The following IL1RAPL2 variants were observed in gnomAD, a reference collection of about 807,000 sequenced individuals.
IL1RAPL2 encodes the protein interleukin 1 receptor accessory protein like 2, also known as X-linked interleukin-1 receptor accessory protein-like 2.
A neutral mutation model predicts 44.1 loss-of-function variants in IL1RAPL2; 3 were observed. The observed-to-expected ratio is 0.07, with a 90% confidence interval of 0.03 to 0.18. The LOEUF (loss-of-function observed/expected upper bound fraction) is 0.18, where lower values mean the gene tolerates loss of function less well. Ranked by LOEUF, IL1RAPL2 falls within the 10% of genes least tolerant of loss-of-function variation. The probability of loss-of-function intolerance (pLI) is 1.00; values close to 1 mark genes in which losing one functional copy is unlikely to be tolerated. For synonymous variants in IL1RAPL2, 181 were observed against 178.8 expected (o/e 1.01, Z -0.10); for missense variants, 391 against 496.4 (o/e 0.79, Z 2.02).
chrX:104,725,658 G>T (rs755685761), intron 2 of IL1RAPL2, among the ~76,000 whole-genome samples: 1 of 112,181 alleles, frequency 8.9e-6, no homozygotes, highest in Non-Finnish European at 1.9e-5. Context: ...TTTTTCATAT[G>T]TTTGTTGGCT....
intron 5 of IL1RAPL2, among the ~76,000 whole-genome samples, chrX:105,303,688 C>A (rs2034713286): frequency 8.9e-6 from 1 of 112,266 alleles, no homozygotes; most frequent in African/African-American, 3.2e-5. Context: ...AACACAAGGC[C>A]TCACAAGTCA....
intron 2 of IL1RAPL2, among the ~76,000 whole-genome samples, chrX:104,830,527 A>C (rs1411643531): frequency 3.6e-5 from 4 of 111,623 alleles, no homozygotes; most frequent in Non-Finnish European, 7.5e-5. Context: ...AAAATTTTAT[A>C]AGTTTTTAAT....
intron 8 of IL1RAPL2, among the ~76,000 whole-genome samples, chrX:105,745,301 C>T (rs2038531630): frequency 1.8e-5 from 2 of 111,853 alleles, no homozygotes; most frequent in Admixed American, 1.9e-4. Context: ...TACCTCAAAT[C>T]TCTTCTACCC....
intron 6 of IL1RAPL2, among the ~76,000 whole-genome samples, chrX:105,500,307 G>T (rs1270566894): frequency 9.1e-6 from 1 of 109,548 alleles, no homozygotes; most frequent in Non-Finnish European, 1.9e-5. Context: ...CATTTGTTAA[G>T]AGGGTAGACT....
intron 6 of IL1RAPL2, among the ~76,000 whole-genome samples, chrX:105,659,474 G>A (rs1351546591): frequency 5.5e-5 from 6 of 108,711 alleles, no homozygotes; most frequent in African/African-American, 1.7e-4. Flanking sequence ...TGGCTAAAAC[G>A]GTGAAACCCC....
Position 105,755,209 on chromosome X carries a change from A to T in IL1RAPL2, c.1225A>T (p.Thr409Ser). Residue 409 changes from threonine to serine, a missense_variant, in exon 10 of 11, where the codon ACA becomes TCA. Thr to Ser is a moderately conservative substitution (Grantham distance 58). Coordinates refer to ENST00000372582, the MANE Select transcript of IL1RAPL2 (RefSeq NM_017416.2). ...NKEYDAYLSY[T>S]KVDQDTLDCD... ...GGAATATGATGCCTATCTCTCTTAC[A>T]CAAAAGTGGACCAAGATACTTTAGA... 1 of 1,199,938 alleles carries T rather than the reference A, an allele frequency of 8.3e-7. No homozygotes were observed. The highest frequency in any genetic ancestry group is 1.1e-6 in the Non-Finnish European group (1 of 886,531).
At chrX:105,559,139 AGGATTAT>A (rs2036915506) in intron 6 of IL1RAPL2, among the ~76,000 whole-genome samples, 1 of 112,004 alleles carries the variant, frequency 8.9e-6, no homozygotes, top group East Asian at 2.8e-4. Context: ...ACTATTTCCC[AGGATTAT>A]GGCCAGTTAA....
rs10482011 is a variant in IL1RAPL2, at chrX:105,388,069, A to T, written c.698-96244A>T. Among the ~76,000 whole-genome samples, 325 of 98,081 alleles carry T rather than the reference A, an allele frequency of 3.3e-3. 4 individuals are homozygous for T. The highest frequency in any genetic ancestry group is 0.012 in the African/African-American group (320 of 26,429). 85.2% of individuals were successfully genotyped at this position (98,081 alleles called of 115,157 possible). A position where few individuals can be genotyped will look rare whatever the true frequency, so the allele number is the denominator to read the frequency against. On this transcript the variant is annotated intron_variant, in intron 5 of 10. Transcript: ENST00000372582. Reference sequence around the variant, plus strand: ...AGGCTGAGGCAGGAGAATTGCTTGAACCCAGAAGGCAGAGGTTGCAGTGAG... The same window carrying T: ...AGGCTGAGGCAGGAGAATTGCTTGATCCCAGAAGGCAGAGGTTGCAGTGAG...
chrX:104,622,309 T>C (rs1294815590), intron 1 of IL1RAPL2, among the ~76,000 whole-genome samples: 3 of 105,757 alleles, frequency 2.8e-5, no homozygotes, highest in African/African-American at 1.1e-4. Context: ...GCAGAGGGTA[T>C]ATGAATAGAT....
chrX:105,433,257 T>A (rs750970479), intron 5 of IL1RAPL2, among the ~76,000 whole-genome samples: 17 of 110,755 alleles, frequency 1.5e-4, no homozygotes, highest in Non-Finnish European at 3.2e-4. Flanking sequence ...GAGTTGGAAA[T>A]CATCAAATAT....
At chrX:104,575,458 C>T (rs1415754492) in intron 1 of IL1RAPL2, among the ~76,000 whole-genome samples, 1 of 111,273 alleles carries the variant, frequency 9.0e-6, no homozygotes, top group Non-Finnish European at 1.9e-5. Context: ...TACATGCTAG[C>T]TCTGGTAACA....
Position 105,157,663 on chromosome X carries a change from A to G in IL1RAPL2, c.83-37812A>G, listed in dbSNP as rs749585074. Among the ~76,000 whole-genome samples the G allele has an allele frequency of 7.1e-5, 8 of 112,056 alleles. No homozygotes were observed. In the East Asian group the frequency reaches 1.7e-3, roughly 24 times the overall value. ...AAGGATTGCAAAAGTTATATTCTAG[A>G]AAAGCACTTAGACAGATAAACAGGT... is the stretch of plus-strand genomic sequence containing the variant. On this transcript the variant is annotated intron_variant, in intron 2 of 10. Transcript: ENST00000372582.
chrX:105,457,223 G>T (rs2036062180), intron 5 of IL1RAPL2, among the ~76,000 whole-genome samples: 1 of 111,165 alleles, frequency 9.0e-6, no homozygotes, highest in Admixed American at 9.6e-5. Context: ...TGTATTATTT[G>T]TTGCTATTTA....
At chrX:105,221,346 C>T (rs1299071415) in intron 3 of IL1RAPL2, among the ~76,000 whole-genome samples, 1 of 109,802 alleles carries the variant, frequency 9.1e-6, no homozygotes, top group East Asian at 2.9e-4. Context: ...TATGACTCCC[C>T]CTTTTCCCTG....
chrX:104,987,761 T>G (rs1044071895), intron 2 of IL1RAPL2, among the ~76,000 whole-genome samples: 4 of 110,991 alleles, frequency 3.6e-5, no homozygotes, highest in Non-Finnish European at 7.5e-5. Flanking sequence ...AAATCAGCCT[T>G]TAGCTGCTTT....
chrX:104,798,989 A>G (rs1932868417), intron 2 of IL1RAPL2, among the ~76,000 whole-genome samples: 1 of 111,302 alleles, frequency 9.0e-6, no homozygotes, highest in African/African-American at 3.3e-5. Flanking sequence ...ATTTTATCAT[A>G]CATTTATTAT....
At chrX:105,496,885 G>A (rs150680651) in intron 6 of IL1RAPL2, among the ~76,000 whole-genome samples, 22 of 111,699 alleles carry the variant, frequency 2.0e-4, no homozygotes, top group African/African-American at 6.2e-4. Flanking sequence ...CAAGTGGTTT[G>A]CTTATTAACC....
chrX:104,671,877 T>G (rs1227134288), intron 2 of IL1RAPL2, among the ~76,000 whole-genome samples: 1 of 111,566 alleles, frequency 9.0e-6, no homozygotes, highest in African/African-American at 3.3e-5. Context: ...GGTTTTGCTG[T>G]TTTGACAAGG....
At chrX:105,636,545 A>C (rs1175870573) in intron 6 of IL1RAPL2, among the ~76,000 whole-genome samples, 3 of 111,432 alleles carry the variant, frequency 2.7e-5, no homozygotes, top group Non-Finnish European at 5.7e-5. Context: ...TGACCCTTAG[A>C]TACAGACAGA....
Sources: allele counts gnomAD v4.1 joint callset (sites outside exome capture counted in the v4.1 genomes callset), GRCh38; gene constraint gnomAD v4.1.1; transcripts MANE v1.5; gene names NCBI Gene and HGNC (gene_info 2026-07-23, HGNC 2026-07-21).